FTO: variants seen among roughly 807,000 people sequenced by gnomAD.
The protein encoded by FTO is alpha-ketoglutarate-dependent dioxygenase FTO.
FTO carries 47 observed loss-of-function variants against 63.9 expected under a neutral mutation model. The ratio of observed to expected loss-of-function variants is 0.74; its 90% CI spans 0.58 to 0.94. The LOEUF (loss-of-function observed/expected upper bound fraction) is 0.94, where lower values mean the gene tolerates loss of function less well. Among genes scored for constraint, FTO ranks in the 40% least tolerant of loss-of-function variants. FTO has a pLI of 0.00. For missense variants in FTO, 562 were observed against 618.1 expected (o/e 0.91, Z 0.96); for synonymous variants, 207 against 224.4 (o/e 0.92, Z 0.69).
rs1276832821 is a variant in FTO at position 53,789,609 on chromosome 16, T to C, written c.46-20531T>C. On this transcript the variant is annotated intron_variant, in intron 1 of 8. Coordinates refer to ENST00000471389, the MANE Select transcript of FTO (RefSeq NM_001080432.3). ...AAGATCATATGTAGTTTAGAAATAA[T>C]GTCAATTGCATATGAATGTTTTGAT... Among the ~76,000 whole-genome samples, 10 of 152,294 alleles carry C rather than the reference T, an allele frequency of 6.6e-5. No individual in the cohort carries two copies. In the East Asian group the frequency reaches 1.5e-3, roughly 24 times the overall value.
At chr16:54,068,115 C>G (rs1251718239) in intron 8 of FTO, among the ~76,000 whole-genome samples, 2 of 152,200 alleles carry the variant, frequency 1.3e-5, no homozygotes, top group African/African-American at 4.8e-5. Context: ...CCACCCAATG[C>G]CAGCAGCAAA....
At position 54,063,409 on chromosome 16, in the gene FTO, G is replaced by A. The variant is rs545339619; in HGVS notation, c.1365-48353G>A. ...GAATTGTTTGAAAAAACAAGCACAA[G>A]GCTGGAACTGCTGTTTCCCACTTGG... On this transcript the variant is annotated intron_variant, in intron 8 of 8. Coordinates refer to ENST00000471389, the MANE Select transcript of FTO (RefSeq NM_001080432.3). 4.1e-4 allele frequency among the ~76,000 whole-genome samples: 63 copies of A among 152,292 alleles called. 1 individual carries two copies. The highest frequency in any genetic ancestry group is 1.5e-3 in the African/African-American group (62 of 41,564).
intron 8 of FTO, among the ~76,000 whole-genome samples, chr16:53,974,264 G>C (rs376535019): frequency 9.8e-5 from 15 of 152,288 alleles, no homozygotes; most frequent in African/African-American, 3.4e-4. Flanking sequence ...GGGGTCTGAT[G>C]AAGAGCATAT....
At chr16:53,936,761 G>A (rs1158818334) in intron 8 of FTO, among the ~76,000 whole-genome samples, 1 of 152,204 alleles carries the variant, frequency 6.6e-6, no homozygotes, top group African/African-American at 2.4e-5. Context: ...TCCTCTGAAA[G>A]TTAAATACAC....
chr16:53,854,113 A>G (rs1174688721), intron 4 of FTO, among the ~76,000 whole-genome samples: 10 of 151,996 alleles, frequency 6.6e-5, no homozygotes, highest in South Asian at 4.1e-4. Flanking sequence ...GGCCATTTGT[A>G]TATTTTCTTT....
intron 4 of FTO, among the ~76,000 whole-genome samples, chr16:53,860,043 C>A (rs566621665): frequency 4.6e-5 from 7 of 152,184 alleles, no homozygotes; most frequent in Non-Finnish European, 1.0e-4. Context: ...ACCTAAATAT[C>A]TGTTAACAGA....
intron 7 of FTO, among the ~76,000 whole-genome samples, chr16:53,910,576 A>T (rs537269231): frequency 4.6e-5 from 7 of 152,268 alleles, no homozygotes; most frequent in Non-Finnish European, 1.0e-4. Flanking sequence ...TTACTGTGTC[A>T]CTTAGGCTGG....
chr16:53,845,715 T>A (rs1410276463), intron 4 of FTO, among the ~76,000 whole-genome samples: 1 of 152,150 alleles, frequency 6.6e-6, no homozygotes, highest in African/African-American at 2.4e-5. Context: ...AGATCCTGAG[T>A]CTGAGTCCTA....
intron 3 of FTO, among the ~76,000 whole-genome samples, chr16:53,837,930 C>T (rs2079349504): frequency 6.6e-6 from 1 of 152,162 alleles, no homozygotes; most frequent in African/African-American, 2.4e-5. Flanking sequence ...AACCCATGTC[C>T]TGGTCTCCAC....
chr16:53,983,881 A>G (rs1366690719), intron 8 of FTO, among the ~76,000 whole-genome samples: 2 of 152,208 alleles, frequency 1.3e-5, no homozygotes, highest in African/African-American at 2.4e-5. Flanking sequence ...TGTTTGTATG[A>G]AAGGTATTTT....
At chr16:54,106,720 TATA>T (rs1458301355) in intron 8 of FTO, among the ~76,000 whole-genome samples, 7 of 136,120 alleles carry the variant, frequency 5.1e-5, no homozygotes, top group Non-Finnish European at 9.2e-5. Flanking sequence ...GTAATAGTTA[TATA>T]ATTATATATT....
intron 1 of FTO, among the ~76,000 whole-genome samples, chr16:53,769,995 T>C (rs890459117): frequency 1.3e-5 from 2 of 152,088 alleles, no homozygotes; most frequent in African/African-American, 2.4e-5. Flanking sequence ...TCACTTCTGT[T>C]CACATTCCAT....
chr16:53,743,895 C>T (rs1025333757), intron 1 of FTO, among the ~76,000 whole-genome samples: 12 of 151,948 alleles, frequency 7.9e-5, no homozygotes, highest in Middle Eastern at 3.4e-3. Context: ...TTTTCCTCTC[C>T]GTTTGGAAGT....
At chr16:54,108,372 T>C (rs919846722) in intron 8 of FTO, among the ~76,000 whole-genome samples, 3 of 152,148 alleles carry the variant, frequency 2.0e-5, no homozygotes, top group Non-Finnish European at 4.4e-5. Context: ...ATCTGAACAT[T>C]TTAGCCTGAC....
chr16:54,079,712 A>G (rs867489876), intron 8 of FTO, among the ~76,000 whole-genome samples: 3 of 152,238 alleles, frequency 2.0e-5, no homozygotes, highest in Middle Eastern at 3.4e-3. Context: ...GAGAGCCTGG[A>G]CGAGTTTCAA....
intron 3 of FTO, among the ~76,000 whole-genome samples, chr16:53,837,532 A>T (rs1380353013): frequency 6.6e-6 from 1 of 151,988 alleles, no homozygotes; most frequent in African/African-American, 2.4e-5. Context: ...ACCCCTTCAG[A>T]CTTTTCTAAA....
At chr16:53,808,921 G>A (rs2078441062) in intron 1 of FTO, among the ~76,000 whole-genome samples, 1 of 152,170 alleles carries the variant, frequency 6.6e-6, no homozygotes, top group Admixed American at 6.5e-5. Context: ...TACAGATAAT[G>A]TCTGTTGTAT....
intron 4 of FTO, among the ~76,000 whole-genome samples, chr16:53,868,392 G>A (rs1234923951): frequency 6.6e-6 from 1 of 152,026 alleles, no homozygotes; most frequent in African/African-American, 2.4e-5. Context: ...AGAGGTTGCA[G>A]TATACATTTA....
chr16:53,971,244 C>T (rs1260361380), intron 8 of FTO, among the ~76,000 whole-genome samples: 1 of 152,102 alleles, frequency 6.6e-6, no homozygotes, highest in East Asian at 1.9e-4. Context: ...TACATATTTG[C>T]TTATACCGCT....
Sources: allele counts gnomAD v4.1 joint callset (sites outside exome capture counted in the v4.1 genomes callset), GRCh38; gene constraint gnomAD v4.1.1; transcripts MANE v1.5; gene names NCBI Gene and HGNC (gene_info 2026-07-23, HGNC 2026-07-21).